Variants in TNRC18 observed in about 807,000 individuals in gnomAD.
TNRC18 encodes the protein trinucleotide repeat containing 18.
In TNRC18, 69 loss-of-function variants were observed where a neutral mutation model predicts 226.7. That is an observed-to-expected ratio of 0.30 (90% confidence interval 0.25 to 0.37). TNRC18 has a LOEUF of 0.37. TNRC18 is among the 10% of genes least tolerant of loss of function. The pLI, the probability that TNRC18 is intolerant of heterozygous loss-of-function variation, is 1.00. For synonymous variants in TNRC18, 2,449 were observed against 1,927.6 expected, an observed-to-expected ratio of 1.27 and a Z score of -7.09; for missense variants, 4,754 against 4,256.6, an observed-to-expected ratio of 1.12 and a Z score of -3.25.
At chr7:5,391,288 T>A (rs1197594318) in intron 3 of TNRC18, among the ~76,000 whole-genome samples, 2 of 151,148 alleles carry the variant, frequency 1.3e-5, no homozygotes, top group African/African-American at 4.9e-5. Flanking sequence ...AGCACCAGCA[T>A]CAGGACGTGC....
intron 18 of TNRC18, among the ~76,000 whole-genome samples, chr7:5,341,435 AAAAG>A: frequency 6.7e-6 from 1 of 149,264 alleles, no homozygotes; most frequent in Middle Eastern, 3.6e-3. Flanking sequence ...AAAAAAAAAA[AAAAG>A]ATGCTGAATC....
At chr7:5,391,842 A>G (rs1207236383) in intron 3 of TNRC18, among the ~76,000 whole-genome samples, 1 of 140,196 alleles carries the variant, frequency 7.1e-6, no homozygotes, top group Admixed American at 7.3e-5. Context: ...ATTTAAAAAA[A>G]AAAAAAAAAA....
chr7:5,336,434 C>G (rs1376922822), intron 18 of TNRC18, among the ~76,000 whole-genome samples: 2 of 151,964 alleles, frequency 1.3e-5, no homozygotes, highest in Non-Finnish European at 2.9e-5. Context: ...AGAAAAGAAC[C>G]AAATGAACCA....
At chr7:5,365,244 T>A (rs1477124953) in intron 11 of TNRC18, among the ~76,000 whole-genome samples, 1 of 152,188 alleles carries the variant, frequency 6.6e-6, no homozygotes, top group African/African-American at 2.4e-5. Flanking sequence ...CCTGAGTAGC[T>A]GGGACCACAG....
chr7:5,366,309 T>TTA (rs1793611719), intron 11 of TNRC18, among the ~76,000 whole-genome samples: 2 of 143,836 alleles, frequency 1.4e-5, no homozygotes, highest in African/African-American at 2.6e-5. Flanking sequence ...TGTTTTGCTC[T>TTA]TCTTATATCT....
chr7:5,383,302 C>A (rs1433657931), intron 5 of TNRC18, among the ~76,000 whole-genome samples: 1 of 152,192 alleles, frequency 6.6e-6, no homozygotes, highest in Non-Finnish European at 1.5e-5. Flanking sequence ...ATCTCAAGGT[C>A]CAAGGCCCCC....
At chr7:5,381,837 GT>G (rs1779418326) in intron 5 of TNRC18, among the ~76,000 whole-genome samples, 3 of 151,966 alleles carry the variant, frequency 2.0e-5, no homozygotes. Flanking sequence ...ACGGTGGCAG[GT>G]GCCTGTAATC....
intron 2 of TNRC18, among the ~76,000 whole-genome samples, chr7:5,404,148 C>T (rs898581461): frequency 1.3e-5 from 2 of 152,024 alleles, no homozygotes; most frequent in South Asian, 4.2e-4. Flanking sequence ...CAAGGCGGTT[C>T]GATCACAAGG....
intron 1 of TNRC18, chr7:5,423,040 G>C (rs1782671810): frequency 6.6e-6 from 1 of 152,278 alleles, no homozygotes; most frequent in Non-Finnish European, 1.5e-5. Context: ...GGGCTCCGCT[G>C]CGTTCTCCTT....
Position 5,313,261 on chromosome 7 carries a change from G to T in TNRC18, c.7630C>A (p.Pro2544Thr). The T allele has an allele frequency of 1.3e-6, 2 of 1,548,708 alleles. No individual in the cohort carries two copies. Among genetic ancestry groups the T allele is most frequent in the South Asian group, 2.4e-5 (2 of 83,962 alleles). ...TCCTGCTCAGCCTGGGCCTTGTCTG[G>T]GCTCTTGGGGTTCCCAGAGTCCTCG... ...TFEDSGNPKSPDKAQAEQDGA... is the reference protein window; with the variant it reads ...TFEDSGNPKSTDKAQAEQDGA... The change falls in exon 27 of 30, where the codon CCA (proline) becomes ACA (threonine). Residue 2544 changes from proline (P) to threonine (T), a missense_variant. By Grantham distance (38) the Pro-to-Thr change is conservative. Transcript: ENST00000430969.
intron 18 of TNRC18, among the ~76,000 whole-genome samples, chr7:5,338,710 C>T (rs916943998): frequency 4.0e-5 from 6 of 151,156 alleles, no homozygotes; most frequent in African/African-American, 1.2e-4. Flanking sequence ...CACGTGAGGT[C>T]GGGAGTTTGA....
chr7:5,346,139 GT>G (rs1292624412), intron 17 of TNRC18, among the ~76,000 whole-genome samples: 1 of 152,248 alleles, frequency 6.6e-6, no homozygotes, highest in Non-Finnish European at 1.5e-5. Flanking sequence ...TGGAGACAGC[GT>G]TCTCCACAGT....
rs961334259 is a variant in TNRC18, at chr7:5,381,625, CA to C, written c.2153-3602del. ...GGGCAACGGAGTGAGACCCTGTTTC[CA>C]AAAAAAAAGAAAAAGAAAGGAAAGA... On this transcript the variant is annotated intron_variant, in intron 5 of 29. Coordinates refer to ENST00000430969, the MANE Select transcript of TNRC18 (RefSeq NM_001080495.3). Among the ~76,000 whole-genome samples the C allele has an allele frequency of 4.2e-3, 621 of 149,056 alleles. 2 individuals carry two copies. The highest frequency in any genetic ancestry group is 0.014 in the African/African-American group (588 of 40,564).
rs764771692 is a variant in TNRC18, at chr7:5,308,066, C to T, written c.*40G>A. The T allele has an allele frequency of 4.6e-5, 70 of 1,526,770 alleles. No individual in the cohort carries two copies. The highest frequency in any genetic ancestry group is 6.0e-5 in the Non-Finnish European group (68 of 1,130,554). 94.6% of individuals were successfully genotyped at this position (1,526,770 alleles called of 1,614,324 possible). On this transcript the variant is annotated 3_prime_UTR_variant, in exon 30 of 30. Transcript: ENST00000430969. ...GGCAGTGATGGAGATGGGTCCCTGG[C>T]CGCCCTCGGGGCACAGGTGGCCCGC...
At chr7:5,368,477 A>T (rs1297560766) in intron 11 of TNRC18, among the ~76,000 whole-genome samples, 3 of 152,066 alleles carry the variant, frequency 2.0e-5, no homozygotes, top group Admixed American at 6.6e-5. Flanking sequence ...AGCCTGGCCA[A>T]CATGGTGAAA....
At chr7:5,413,071 C>A (rs1781942972) in intron 2 of TNRC18, among the ~76,000 whole-genome samples, 1 of 152,202 alleles carries the variant, frequency 6.6e-6, no homozygotes, top group African/African-American at 2.4e-5. Flanking sequence ...CCAGGGCTCC[C>A]AGCAGGCCCT....
chr7:5,406,859 AAAAG>A (rs921601997), intron 2 of TNRC18, among the ~76,000 whole-genome samples: 10 of 151,826 alleles, frequency 6.6e-5, no homozygotes, highest in South Asian at 2.1e-4. Context: ...TCAAAAAAAA[AAAAG>A]AAAGAAAGAA....
chr7:5,374,766 A>AC (rs2128177436), intron 9 of TNRC18, among the ~76,000 whole-genome samples: 1 of 152,152 alleles, frequency 6.6e-6, no homozygotes, highest in Non-Finnish European at 1.5e-5. Flanking sequence ...CTCCACCAGG[A>AC]CCCCGGCCCT....
At chr7:5,310,180 G>T (rs1254042935) in intron 27 of TNRC18, among the ~76,000 whole-genome samples, 1 of 152,124 alleles carries the variant, frequency 6.6e-6, no homozygotes, top group Non-Finnish European at 1.5e-5. Context: ...TGGGATTACA[G>T]GCGTGAGCTA....
Sources: allele counts gnomAD v4.1 joint callset (sites outside exome capture counted in the v4.1 genomes callset), GRCh38; gene constraint gnomAD v4.1.1; transcripts MANE v1.5; gene names NCBI Gene and HGNC (gene_info 2026-07-23, HGNC 2026-07-21).